ATAD2B: variants seen among roughly 807,000 people sequenced by gnomAD.
ATAD2B encodes ATPase family AAA domain containing 2B.
Under a neutral mutation model 167.6 loss-of-function variants are expected in ATAD2B, and 40 were observed. The observed-to-expected ratio is 0.24, with a 90% CI of 0.19 to 0.31. ATAD2B has a LOEUF of 0.31. Ranked by LOEUF, ATAD2B falls within the 10% of genes least tolerant of loss-of-function variation. ATAD2B has a pLI of 1.00. For synonymous variants in ATAD2B, 579 were observed against 596.5 expected, an observed-to-expected ratio of 0.97 and a Z score of 0.43; for missense variants, 1,242 against 1,757.2, an observed-to-expected ratio of 0.71 and a Z score of 5.24.
chr2:23,801,129 G>A (rs1019771975), intron 18 of ATAD2B, among the ~76,000 whole-genome samples: 21 of 151,626 alleles, frequency 1.4e-4, no homozygotes, highest in Non-Finnish European at 2.5e-4. Context: ...ATTTTCTTTA[G>A]ATTTATAACC....
chr2:23,705,843 CAG>C, the ATAD2B span, among the ~76,000 whole-genome samples: 1 of 152,168 alleles, frequency 6.6e-6, no homozygotes, highest in Non-Finnish European at 1.5e-5. Flanking sequence ...GGAGTCAGTG[CAG>C]AGAGGGGCCA....
intron 26 of ATAD2B, 96 bp from the exon 27 acceptor site, chr2:23,754,403 G>A (rs766384045): frequency 9.6e-5 from 125 of 1,305,862 alleles, no homozygotes; most frequent in Non-Finnish European, 1.2e-4. Flanking sequence ...ACCATAAAGC[G>A]AGGATGTAAC....
chr2:23,825,379 T>G (rs1688094346), intron 15 of ATAD2B, among the ~76,000 whole-genome samples: 1 of 152,172 alleles, frequency 6.6e-6, no homozygotes, highest in South Asian at 2.1e-4. Context: ...TTCAGAAGAC[T>G]ATAAGCAGAT....
chr2:23,706,333 G>A, the ATAD2B span: 1 of 566,872 alleles, frequency 1.8e-6, no homozygotes, highest in East Asian at 3.5e-5. Context: ...TGCCAGCCCA[G>A]GTTAGAGGGC....
chr2:23,781,495 T>C (rs750105975), intron 22 of ATAD2B, among the ~76,000 whole-genome samples: 1 of 151,970 alleles, frequency 6.6e-6, no homozygotes, highest in Non-Finnish European at 1.5e-5. Context: ...TGAAACCCCA[T>C]CTCTACTAAA....
At chr2:23,900,572 A>G (rs1700701351) in intron 1 of ATAD2B, 1 of 152,234 alleles carries the variant, frequency 6.6e-6, no homozygotes, top group Non-Finnish European at 1.5e-5. Context: ...CCTCAGATCC[A>G]CTGAATCAGA....
At chr2:23,690,794 C>G in the ATAD2B span, 3 of 152,310 alleles carry the variant, frequency 2.0e-5, no homozygotes, top group Admixed American at 2.0e-4. Flanking sequence ...GGGGCAGCTG[C>G]CAGGCCTTAG....
At chr2:23,747,862 T>C (rs1008273454), downstream of ATAD2B, among the ~76,000 whole-genome samples, 4 of 152,112 alleles carry the variant, frequency 2.6e-5, no homozygotes, top group African/African-American at 9.7e-5. Context: ...ATTTAAAGAT[T>C]TGCCTCAGAT....
the ATAD2B span, among the ~76,000 whole-genome samples, chr2:23,727,472 AATAAC>A: frequency 6.6e-6 from 1 of 152,218 alleles, no homozygotes; most frequent in African/African-American, 2.4e-5. Context: ...GAGAATGCAA[AATAAC>A]ACAGCAACTT....
intron 1 of ATAD2B, among the ~76,000 whole-genome samples, chr2:23,907,464 A>G (rs1267652011): frequency 3.3e-5 from 5 of 152,166 alleles, no homozygotes; most frequent in Admixed American, 3.3e-4. Flanking sequence ...CAAGGAAATA[A>G]AAGAGGATAC....
chr2:23,869,086 G>T (rs964824212), intron 9 of ATAD2B, among the ~76,000 whole-genome samples: 1 of 152,050 alleles, frequency 6.6e-6, no homozygotes, highest in African/African-American at 2.4e-5. Context: ...CTGAAAACTT[G>T]GTATTTCTAC....
At chr2:23,876,026 G>A in intron 7 of ATAD2B, 122 bp from the exon 8 acceptor site, 1 of 718,766 alleles carries the variant, frequency 1.4e-6, no homozygotes, top group Admixed American at 2.5e-5. Context: ...ACAGAGTCTT[G>A]CTCTAACGCC....
chr2:23,818,362 C>CAAAAAAAAAA (rs6146683), intron 17 of ATAD2B, among the ~76,000 whole-genome samples: 1 of 99,294 alleles, frequency 1.0e-5, no homozygotes, highest in African/African-American at 3.9e-5. Flanking sequence ...AGGTGAAAAG[C>CAAAAAAAAAA]AAAAAAAAAA....
intron 18 of ATAD2B, among the ~76,000 whole-genome samples, chr2:23,805,795 T>TAAAAAAAAAAAAAAAAAAAA (rs3030816): frequency 2.0e-5 from 2 of 100,970 alleles, no homozygotes; most frequent in African/African-American, 6.8e-5. Flanking sequence ...TATCAAGCTT[T>TAAAAAAAAAAAAAAAAAAAA]AAAAAAAAAA....
At chr2:23,747,219 T>C (rs1031933316), downstream of ATAD2B, among the ~76,000 whole-genome samples, 1 of 152,030 alleles carries the variant, frequency 6.6e-6, no homozygotes, top group East Asian at 1.9e-4. Flanking sequence ...TACTGTTTTA[T>C]AAATTATATT....
chr2:23,906,028 T>C (rs1219604347), intron 1 of ATAD2B, among the ~76,000 whole-genome samples: 1 of 152,144 alleles, frequency 6.6e-6, no homozygotes, highest in Non-Finnish European at 1.5e-5. Context: ...GACCCAGTAA[T>C]TCCACTTTAT....
the ATAD2B span, chr2:23,693,445 G>A: frequency 1.3e-6 from 2 of 1,551,696 alleles, no homozygotes; most frequent in Non-Finnish European, 1.7e-6. Flanking sequence ...CGTCTCCAAC[G>A]ACAGCCTCAA....
In ATAD2B at chr2:23,780,161, T is replaced by C. The variant is rs138844542; in HGVS notation, c.3133+2708A>G. Among the ~76,000 whole-genome samples, 533 of 151,912 alleles carry C rather than the reference T, an allele frequency of 3.5e-3. 5 individuals carry two copies. Among genetic ancestry groups the C allele is most frequent in the African/African-American group, 0.012 (512 of 41,416 alleles). ...CTACCAGGAGGCTAGGGTGGGAGGATTGCTTGAGCCCAGGAGACAAAGGTT... is the reference window on the plus strand; with the variant it reads ...CTACCAGGAGGCTAGGGTGGGAGGACTGCTTGAGCCCAGGAGACAAAGGTT... On this transcript the variant is annotated intron_variant, in intron 22 of 27. Coordinates refer to ENST00000238789, the MANE Select transcript of ATAD2B (RefSeq NM_017552.4).
chr2:23,788,659 C>T lies in ATAD2B; in HGVS notation c.2641-12G>A, dbSNP rs750754451. The T allele has an allele frequency of 1.7e-5, 27 of 1,552,838 alleles. No homozygotes were observed. The highest frequency in any genetic ancestry group is 2.1e-5 in the Non-Finnish European group (24 of 1,133,144). ...AAGATACATTTAACCTACACATATA[C>T]ACACACACAAAGACATTAAATATAT... On this transcript the variant is annotated splice_polypyrimidine_tract_variant and intron_variant, in intron 19 of 27. Coordinates refer to ENST00000238789, the MANE Select transcript of ATAD2B (RefSeq NM_017552.4).
Sources: gnomAD v4.1 joint callset for allele counts (sites outside exome capture counted in the v4.1 genomes callset) on GRCh38, gnomAD v4.1.1 for gene constraint, MANE v1.5 for transcripts, NCBI Gene and HGNC (gene_info 2026-07-23, HGNC 2026-07-21) for gene names.